The following PASD1 variants were observed in gnomAD, a reference collection of about 807,000 sequenced individuals.
The protein encoded by PASD1 is PAS domain containing repressor 1, also known as circadian clock protein PASD1.
A neutral mutation model predicts 58.8 loss-of-function variants in PASD1; 13 were observed. The ratio of observed to expected loss-of-function variants is 0.22; its 90% CI spans 0.14 to 0.35. PASD1 has a LOEUF of 0.35. PASD1 is among the 10% of genes least tolerant of loss of function. The probability of loss-of-function intolerance (pLI) is 1.00; values close to 1 mark genes in which losing one functional copy is unlikely to be tolerated. For synonymous variants in PASD1, 236 were observed against 216.7 expected (o/e 1.09, Z -0.78); for missense variants, 734 against 568.3 (o/e 1.29, Z -2.96).
chrX:151,572,485 TAATA>T (rs1230430809), intron 1 of PASD1, among the ~76,000 whole-genome samples: 1 of 112,299 alleles, frequency 8.9e-6, no homozygotes, highest in Non-Finnish European at 1.9e-5. Context: ...GAGGAAACCT[TAATA>T]AATACGGACT....
At chrX:151,668,825 A>G (rs2014421389) in intron 11 of PASD1, among the ~76,000 whole-genome samples, 1 of 109,095 alleles carries the variant, frequency 9.2e-6, no homozygotes, top group South Asian at 4.0e-4. Context: ...TCCAATCAAT[A>G]GAAAAAGAGG....
chrX:151,671,336 A>T, intron 12 of PASD1, 140 bp downstream of exon 12: 2 of 769,804 alleles, frequency 2.6e-6, no homozygotes, highest in Non-Finnish European at 3.8e-6. Context: ...CCACAGGGTG[A>T]TATGGGATAT....
In PASD1 at chrX:151,659,852, C is replaced by T; in HGVS notation, c.841+16C>T. ...GAATCTCCAGGTAGGTACATTTATG[C>T]ATTTGGATAGGGACTATTAGAAGAA... is the stretch of plus-strand genomic sequence containing the variant. On this transcript the variant is annotated intron_variant, in intron 10 of 15. Coordinates refer to ENST00000370357, the MANE Select transcript of PASD1 (RefSeq NM_173493.3). 1 of 1,196,265 alleles carries T rather than the reference C, an allele frequency of 8.4e-7. No individual in the cohort carries two copies. Among genetic ancestry groups the T allele is most frequent in the Non-Finnish European group, 1.1e-6 (1 of 885,714 alleles).
chrX:151,647,518 T>C (rs1247706404), intron 8 of PASD1, among the ~76,000 whole-genome samples: 1 of 108,971 alleles, frequency 9.2e-6, no homozygotes, highest in Non-Finnish European at 1.9e-5. Context: ...CAACATAAAA[T>C]ATTAATAAAT....
intron 14 of PASD1, chrX:151,672,901 G>C (rs374534363): frequency 8.1e-5 from 35 of 432,395 alleles, no homozygotes; most frequent in East Asian, 6.5e-4. Context: ...GAAAGGACTA[G>C]ATAAGGAAGC....
At chrX:151,612,784 G>A (rs2124262983) in intron 4 of PASD1, among the ~76,000 whole-genome samples, 1 of 111,621 alleles carries the variant, frequency 9.0e-6, no homozygotes, top group Admixed American at 9.5e-5. Context: ...TCACTCTGAT[G>A]GTAGTTTCTT....
At chrX:151,623,128 T>C (rs1449527430) in intron 7 of PASD1, 64 bp downstream of exon 7, 1 of 1,138,697 alleles carries the variant, frequency 8.8e-7, no homozygotes, top group Non-Finnish European at 1.2e-6. Flanking sequence ...AAGGGTCACT[T>C]CCCCTTTGGT....
Position 151,671,666 on chromosome X carries a change from G to A in PASD1, c.1324G>A (p.Val442Met), listed in dbSNP as rs2014471004. ...ACAACAGAAACAACACGCTGGGCAA[G>A]TGAAGCGGCCTCTCCCACATCCCAA... ...KKQQKQHAGQVKRPLPHPKDV... is the reference protein window; with the variant it reads ...KKQQKQHAGQMKRPLPHPKDV... The change falls in exon 13 of 16, where the codon GTG (valine) becomes ATG (methionine). Residue 442 changes from valine (V) to methionine (M), a missense_variant. Transcript: ENST00000370357. The A allele has an allele frequency of 3.3e-6, 4 of 1,209,366 alleles. No homozygotes were observed. The highest frequency in any genetic ancestry group is 4.5e-6 in the Non-Finnish European group (4 of 894,261).
intron 4 of PASD1, among the ~76,000 whole-genome samples, chrX:151,613,294 A>G (rs2013591958): frequency 9.1e-6 from 1 of 110,347 alleles, no homozygotes; most frequent in African/African-American, 3.3e-5. Flanking sequence ...TTGACTTGGC[A>G]ATGTGGGCTC....
chrX:151,586,923 G>C (rs774178871), intron 1 of PASD1, among the ~76,000 whole-genome samples: 10 of 111,720 alleles, frequency 9.0e-5, no homozygotes, highest in Non-Finnish European at 1.5e-4. Flanking sequence ...GAGTTGAATT[G>C]CTGAGATTTC....
chrX:151,623,184 A>G lies in PASD1; in HGVS notation c.546+120A>G, dbSNP rs188031828. 1.6e-4 allele frequency: 131 copies of G among 829,116 alleles called. No homozygotes were observed. The East Asian group carries it at 4.3e-3, about 27-fold the overall frequency. The allele number at this position is 829,116 out of a possible 1,213,427, so 68.3% of individuals were successfully genotyped here. On this transcript the variant is annotated intron_variant, in intron 7 of 15. Coordinates refer to ENST00000370357, the MANE Select transcript of PASD1 (RefSeq NM_173493.3). Reference sequence around the variant, plus strand: ...TTGCTAAATTACTCAGTGTGTGCAGAGGGTTGTGCTGGGATATGTAAATAA... The same window carrying G: ...TTGCTAAATTACTCAGTGTGTGCAGGGGGTTGTGCTGGGATATGTAAATAA...
intron 8 of PASD1, among the ~76,000 whole-genome samples, chrX:151,642,957 G>A (rs894114485): frequency 1.8e-5 from 2 of 111,421 alleles, no homozygotes; most frequent in African/African-American, 6.5e-5. Context: ...CTGAAGTTGG[G>A]TTGGGAGGAA....
intron 10 of PASD1, among the ~76,000 whole-genome samples, chrX:151,663,279 T>A (rs1423565556): frequency 1.8e-5 from 2 of 112,224 alleles, no homozygotes; most frequent in African/African-American, 6.5e-5. Flanking sequence ...TTTTCCAGAA[T>A]GTCATGTAAG....
In PASD1 at chrX:151,620,932, T is replaced by A. The variant is rs2013698598; in HGVS notation, c.210T>A (p.Ala70=). 8.3e-7 allele frequency: 1 copy of A among 1,199,990 alleles called. No homozygotes were observed. The highest frequency in any genetic ancestry group is 1.1e-6 in the Non-Finnish European group (1 of 886,587). ...CTCCTCCTCTCCTCTCCTGCCAGGC[T>A]GAGATTGTGGGCAAAAAATTATTAA... ...NISSLLGHLP[A]EIVGKKLLSL... The change falls in exon 5 of 16, where the codon GCT becomes GCA. Residue 70 remains alanine (A), a splice_region_variant and synonymous_variant. Coordinates refer to ENST00000370357, the MANE Select transcript of PASD1 (RefSeq NM_173493.3).
At position 151,611,837 on chromosome X, in the gene PASD1, C is replaced by T. The variant is rs761505784; in HGVS notation, c.207+84C>T. 1.1e-4 allele frequency: 82 copies of T among 716,397 alleles called. No homozygotes were observed. The African/African-American group carries it at 1.6e-3, about 14-fold the overall frequency. 59.0% of individuals were successfully genotyped at this position (716,397 alleles called of 1,213,427 possible). A position where few individuals can be genotyped will look rare whatever the true frequency, so the allele number is the denominator to read the frequency against. On this transcript the variant is annotated intron_variant, in intron 4 of 15. Coordinates refer to ENST00000370357, the MANE Select transcript of PASD1 (RefSeq NM_173493.3). Reference sequence around the variant, plus strand: ...TTATTTATTTTCTTTTTTTATTATACTTTAAGTTTTAGAGTACATGTGCAC... The same window carrying T: ...TTATTTATTTTCTTTTTTTATTATATTTTAAGTTTTAGAGTACATGTGCAC...
intron 8 of PASD1, among the ~76,000 whole-genome samples, chrX:151,632,089 T>G (rs1196930633): frequency 9.0e-6 from 1 of 110,619 alleles, no homozygotes; most frequent in African/African-American, 3.3e-5. Context: ...GTCAATAGAC[T>G]ATAGAGCAGG....
intron 6 of PASD1, among the ~76,000 whole-genome samples, chrX:151,622,178 G>C (rs1040466236): frequency 9.0e-6 from 1 of 111,095 alleles, no homozygotes. Flanking sequence ...TTTTTGTCGC[G>C]TGTGGATATA....
chrX:151,574,847 CGTT>C (rs1262306327), intron 1 of PASD1, among the ~76,000 whole-genome samples: 6 of 111,844 alleles, frequency 5.4e-5, no homozygotes, highest in South Asian at 7.6e-4. Context: ...GACGAGGTCT[CGTT>C]GTGTTGCCTA....
In PASD1 at chrX:151,672,428, G is replaced by C. The variant is rs2014490200; in HGVS notation, c.1683G>C (p.Glu561Asp). The C allele has an allele frequency of 8.3e-7, 1 of 1,210,026 alleles. No homozygotes were observed. The highest frequency in any genetic ancestry group is 1.7e-5 in the African/African-American group (1 of 57,299). The part of the protein sequence containing the change: ...GQMLQKEPEE[E>D]QQKQQLQEQP... ...TGCTACAGAAAGAGCCAGAGGAGGA[G>C]CAGCAGAAGCAGCAGCTGCAAGAGC... Residue 561 changes from glutamate (E) to aspartate (D), a missense_variant, in exon 14 of 16, where the codon GAG becomes GAC. Coordinates refer to ENST00000370357, the MANE Select transcript of PASD1 (RefSeq NM_173493.3).
Sources: gnomAD v4.1 joint callset for allele counts (sites outside exome capture counted in the v4.1 genomes callset) on GRCh38, gnomAD v4.1.1 for gene constraint, MANE v1.5 for transcripts, NCBI Gene and HGNC (gene_info 2026-07-23, HGNC 2026-07-21) for gene names.